The following PCLO variants were observed in gnomAD, a reference collection of about 807,000 sequenced individuals.
PCLO encodes protein piccolo.
PCLO carries 82 observed loss-of-function variants against 427.5 expected under a neutral mutation model. That is an observed-to-expected ratio of 0.19 (90% CI 0.16 to 0.23). The LOEUF (loss-of-function observed/expected upper bound fraction) is 0.23. Among genes scored for constraint, PCLO ranks in the 10% least tolerant of loss-of-function variants. PCLO has a pLI of 1.00. For synonymous variants in PCLO, 2,357 were observed against 2,155.4 expected (o/e 1.09, Z -2.59); for missense variants, 6,239 against 6,115.9 (o/e 1.02, Z -0.67).
intron 22 of PCLO, among the ~76,000 whole-genome samples, chr7:82,766,463 C>A (rs1790534240): frequency 6.6e-6 from 1 of 151,934 alleles, no homozygotes; most frequent in South Asian, 2.1e-4. Context: ...TCCTTTAAAG[C>A]CATAGAAAAG....
rs1184300695 is a variant in PCLO at position 83,156,284 on chromosome 7, G to C, written c.357C>G (p.Phe119Leu). The change falls in exon 2 of 25, where the codon TTC becomes TTG. Residue 119 changes from phenylalanine (F) to leucine (L), a missense_variant. Phe to Leu is a conservative substitution (Grantham distance 22, BLOSUM62 0). Transcript: ENST00000333891. ...GLSKSRTTDT[F>L]RSEQKLPGRS... Reference sequence around the variant, plus strand: ...TCCCAGGCAATTTCTGCTCTGACCTGAAAGTGTCTGTAGTTCTACTTTTAC... The same window carrying C: ...TCCCAGGCAATTTCTGCTCTGACCTCAAAGTGTCTGTAGTTCTACTTTTAC... 1.2e-6 allele frequency: 2 copies of C among 1,613,290 alleles called. No homozygotes were observed. The highest frequency in any genetic ancestry group is 1.7e-6 in the Non-Finnish European group (2 of 1,179,596).
chr7:83,027,574 G>GA, intron 3 of PCLO, among the ~76,000 whole-genome samples: 1 of 151,086 alleles, frequency 6.6e-6, no homozygotes, highest in Non-Finnish European at 1.5e-5. Context: ...CCAATCAACA[G>GA]AAAAAGAGGG....
chr7:82,764,325 C>T (rs145777331), intron 22 of PCLO, among the ~76,000 whole-genome samples: 164 of 151,824 alleles, frequency 1.1e-3, no homozygotes, highest in African/African-American at 3.7e-3. Flanking sequence ...AACAAAGATA[C>T]AAAGCTTTCT....
Position 82,956,429 on chromosome 7 carries a change from C to A in PCLO, c.4524G>T (p.Glu1508Asp), listed in dbSNP as rs1272878238. The A allele has an allele frequency of 2.5e-6, 4 of 1,613,782 alleles. No individual in the cohort carries two copies. The highest frequency in any genetic ancestry group is 1.1e-5 in the South Asian group (1 of 91,066). ...EFVDDITTRR[E>D]PYDSVEESSE... ...TACTCTCTTCAACTGAATCATAAGG[C>A]TCTCTTCTAGTAGTTATGTCATCAA... Residue 1508 changes from glutamate to aspartate, a missense_variant, in exon 5 of 25, where the codon GAG (glutamate) becomes GAT (aspartate). Glu to Asp is a conservative substitution (Grantham distance 45). Around this residue, in one of 5 missense-constraint regions of PCLO, gnomAD observed 4,677 missense variants for 4,468.4 expected, o/e 1.05. Transcript: ENST00000333891.
intron 10 of PCLO, chr7:82,868,041 C>T (rs1793140242): frequency 2.3e-6 from 1 of 441,552 alleles, no homozygotes; most frequent in African/African-American, 2.0e-5. Context: ...TGGTCTGTGT[C>T]ATGTGTACCT....
intron 4 of PCLO, among the ~76,000 whole-genome samples, chr7:82,964,579 T>C (rs997962656): frequency 6.6e-6 from 1 of 152,154 alleles, no homozygotes; most frequent in Non-Finnish European, 1.5e-5. Context: ...TCAAAGTAGA[T>C]TTCATAAAGT....
At chr7:83,078,608 T>C (rs1035800183) in intron 3 of PCLO, among the ~76,000 whole-genome samples, 2 of 152,012 alleles carry the variant, frequency 1.3e-5, no homozygotes, top group African/African-American at 4.8e-5. Context: ...CTCAGCTCAC[T>C]GCAACCTCCA....
Position 82,956,626 on chromosome 7 carries a change from G to A in PCLO, c.4327C>T (p.Pro1443Ser), listed in dbSNP as rs776267201. ...TTCTCTTGGTCTTTAGGCTGTTCAG[G>A]AGAAACTTCATGGGGTTGTGTTTTC... ...EKKTQPHEVS[P>S]EQPKDQEKTQ... Residue 1443 changes from proline (P) to serine (S), a missense_variant, in exon 5 of 25, where the codon CCT becomes TCT. This residue lies in a region of PCLO where 4,677 missense variants were observed against 4,468.4 expected (regional missense o/e 1.05). Transcript: ENST00000333891. 31 of 1,613,694 alleles carry A rather than the reference G, an allele frequency of 1.9e-5. No individual in the cohort carries two copies. The highest frequency in any genetic ancestry group is 2.6e-5 in the Non-Finnish European group (31 of 1,179,854).
At chr7:83,087,498 A>G (rs962164289) in intron 3 of PCLO, among the ~76,000 whole-genome samples, 13 of 152,192 alleles carry the variant, frequency 8.5e-5, no homozygotes, top group Non-Finnish European at 1.8e-4. Context: ...CATTTATAAA[A>G]TGAATTCTTA....
chr7:82,991,584 A>C (rs960745361), intron 3 of PCLO, among the ~76,000 whole-genome samples: 3 of 152,164 alleles, frequency 2.0e-5, no homozygotes, highest in African/African-American at 7.2e-5. Flanking sequence ...CTTTTTAAAG[A>C]GTTTTCAAAG....
intron 3 of PCLO, among the ~76,000 whole-genome samples, chr7:83,022,410 G>A (rs1788367535): frequency 6.6e-6 from 1 of 152,120 alleles, no homozygotes; most frequent in African/African-American, 2.4e-5. Context: ...AAAGTAAAGT[G>A]ACTTAAGCAA....
At chr7:82,926,422 C>CA (rs1476051467) in intron 6 of PCLO, among the ~76,000 whole-genome samples, 2 of 151,620 alleles carry the variant, frequency 1.3e-5, no homozygotes, top group African/African-American at 4.8e-5. Flanking sequence ...ATTCCAGTGG[C>CA]AAAAAATGTG....
chr7:83,139,068 TAG>T (rs1486394230), intron 2 of PCLO, among the ~76,000 whole-genome samples: 1 of 152,158 alleles, frequency 6.6e-6, no homozygotes, highest in Non-Finnish European at 1.5e-5. Flanking sequence ...GCGGAAAATA[TAG>T]ATGGCGGAAT....
At chr7:82,850,515 T>G (rs541454451) in intron 10 of PCLO, among the ~76,000 whole-genome samples, 36 of 152,274 alleles carry the variant, frequency 2.4e-4, no homozygotes, top group African/African-American at 8.7e-4. Context: ...TAATATTGTA[T>G]GCTCCTTAAA....
chr7:82,933,051 C>T (rs1794875519), intron 6 of PCLO, among the ~76,000 whole-genome samples: 1 of 151,972 alleles, frequency 6.6e-6, no homozygotes, highest in African/African-American at 2.4e-5. Flanking sequence ...TATTTTCCTT[C>T]ACCTTACCTT....
chr7:82,975,575 A>T (rs1042497788), intron 3 of PCLO, among the ~76,000 whole-genome samples: 4 of 152,178 alleles, frequency 2.6e-5, no homozygotes, highest in Non-Finnish European at 5.9e-5. Flanking sequence ...CTCTTCTTGC[A>T]GGGAAGAATC....
At chr7:83,001,996 C>T (rs1332576773) in intron 3 of PCLO, among the ~76,000 whole-genome samples, 1 of 151,962 alleles carries the variant, frequency 6.6e-6, no homozygotes, top group Non-Finnish European at 1.5e-5. Context: ...TCCTATCAGG[C>T]TTCTTTGGTA....
At chr7:83,052,265 G>A (rs1219453348) in intron 3 of PCLO, among the ~76,000 whole-genome samples, 1 of 150,970 alleles carries the variant, frequency 6.6e-6, no homozygotes, top group Non-Finnish European at 1.5e-5. Context: ...TGAGATAGGA[G>A]ATAAGAACAA....
chr7:82,993,390 A>G (rs374797492), intron 3 of PCLO, among the ~76,000 whole-genome samples: 1 of 152,028 alleles, frequency 6.6e-6, no homozygotes, highest in African/African-American at 2.4e-5. Flanking sequence ...TTGTTTCATA[A>G]TCAGGAGCAG....
Sources: allele counts gnomAD v4.1 joint callset (sites outside exome capture counted in the v4.1 genomes callset), GRCh38; gene constraint gnomAD v4.1.1; regional missense constraint gnomAD v4.1.1; transcripts MANE v1.5; gene names NCBI Gene and HGNC (gene_info 2026-07-23, HGNC 2026-07-21).